Variants in IZUMO4 observed in about 807,000 individuals in gnomAD.
IZUMO4 encodes izumo sperm-egg fusion protein 4.
A neutral mutation model predicts 37.1 loss-of-function variants in IZUMO4; 51 were observed. The observed-to-expected ratio is 1.38, with a 90% CI of 1.10 to 1.74. The LOEUF (loss-of-function observed/expected upper bound fraction) is 1.74, where lower values mean the gene tolerates loss of function less well. Ranked by LOEUF, IZUMO4 falls within the 40% of genes most tolerant of loss-of-function variation. The pLI is 0.00. For synonymous variants in IZUMO4, 162 were observed against 121.4 expected (o/e 1.33, Z -2.20); for missense variants, 364 against 299.6 (o/e 1.21, Z -1.59).
intron 7 of IZUMO4, 62 bp downstream of exon 7, chr19:2,098,512 A>G: frequency 1.2e-6 from 2 of 1,611,774 alleles, no homozygotes. Flanking sequence ...GTGGGTGAGT[A>G]TGTGTGGGGC....
chr19:2,099,264 GCCAGCCTTAAGGTGTCTGGAGCCC>G lies in IZUMO4; in HGVS notation c.622_645del (p.Ala208_Pro215del), dbSNP rs529446582. ...CCTCGTCTCCCCGCAGCCTGGTATC[GCCAGCCTTAAGGTGTCTGGAGCCC>G]CCACACTTGGCCAACCTGACCTTGG... On this transcript the variant is annotated inframe_deletion, in exon 10 of 10. Transcript: ENST00000395301. 272 of 1,613,150 alleles carry G rather than the reference GCCAGCCTTAAGGTGTCTGGAGCCC, an allele frequency of 1.7e-4. No homozygotes were observed. In the African/African-American group the frequency reaches 3.0e-3, roughly 18 times the overall value.
intron 7 of IZUMO4, 81 bp from the exon 8 acceptor site, chr19:2,098,706 T>G: frequency 6.3e-7 from 1 of 1,583,708 alleles, no homozygotes. Flanking sequence ...ATCCCAGGTC[T>G]GTGGTCAGAG....
At chr19:2,097,225 T>G (rs778919165) in intron 1 of IZUMO4, 27 bp from the exon 2 acceptor site, 1 of 1,609,278 alleles carries the variant, frequency 6.2e-7, no homozygotes, top group Non-Finnish European at 8.5e-7. Flanking sequence ...GGCAGGCCGG[T>G]CACCTGGCTT....
Position 2,097,542 on chromosome 19 carries a change from G to A in IZUMO4, c.370+47G>A, listed in dbSNP as rs376567942. ...GGAGGGAGGTGTTGCCCAGAGCCTC[G>A]GAGACCCACGGGGCTTGGCTGAGGC... On this transcript the variant is annotated intron_variant, in intron 3 of 9. Coordinates refer to ENST00000395301, the MANE Select transcript of IZUMO4 (RefSeq NM_001039846.2). 1.4e-5 allele frequency: 21 copies of A among 1,514,502 alleles called. No homozygotes were observed. The East Asian group carries it at 2.9e-4, about 21-fold the overall frequency. 93.8% of individuals were successfully genotyped at this position (1,514,502 alleles called of 1,614,324 possible). A position where few individuals can be genotyped will look rare whatever the true frequency, so the allele number is the denominator to read the frequency against.
intron 3 of IZUMO4, 193 bp from the exon 4 acceptor site, chr19:2,097,736 T>G: frequency 1.4e-6 from 1 of 731,140 alleles, no homozygotes; most frequent in Non-Finnish European, 2.3e-6. Flanking sequence ...TCCCCTGAAG[T>G]TTGCTCCATC....
chr19:2,098,640 T>C, intron 7 of IZUMO4, 147 bp from the exon 8 acceptor site: 1 of 1,556,886 alleles, frequency 6.4e-7, no homozygotes, highest in Non-Finnish European at 8.7e-7. Flanking sequence ...TCTCCGACCC[T>C]CAGCTGGAGG....
intron 7 of IZUMO4, 90 bp downstream of exon 7, chr19:2,098,540 G>C (rs534003610): frequency 6.2e-7 from 1 of 1,608,098 alleles, no homozygotes; most frequent in Middle Eastern, 1.7e-4. Flanking sequence ...GGCTCCCTCA[G>C]CTCCCACGTC....
rs1310234299 is a variant in IZUMO4, at chr19:2,099,025, G to GC, written c.606dup (p.Phe203LeufsTer25). 2 of 1,612,896 alleles carry GC rather than the reference G, an allele frequency of 1.2e-6. No homozygotes were observed. Among genetic ancestry groups the GC allele is most frequent in the Admixed American group, 1.7e-5 (1 of 60,006 alleles). The stretch of plus-strand genomic sequence containing the variant: ...GCCTGGGACACACAGAGCCACCCCG[G>GC]CCTTGTGAGTGACCCAGAGAAGGGA... On this transcript the variant is annotated frameshift_variant, in exon 9 of 10. Coordinates refer to ENST00000395301, the MANE Select transcript of IZUMO4 (RefSeq NM_001039846.2). LOFTEE classifies it low-confidence loss of function (END_TRUNC).
At chr19:2,098,602 C>T (rs541724325) in intron 7 of IZUMO4, 152 bp downstream of exon 7, 277 of 1,582,678 alleles carry the variant, frequency 1.8e-4, no homozygotes, top group South Asian at 3.3e-4. Context: ...GCGCAGGAGG[C>T]GGCTGCAGTC....
At chr19:2,097,711 G>A (rs1407823965) in intron 3 of IZUMO4, 4 of 688,226 alleles carry the variant, frequency 5.8e-6, no homozygotes, top group Non-Finnish European at 1.0e-5. Context: ...GGCGCTGGGA[G>A]TGTTGCCACC....
In IZUMO4 at chr19:2,099,280, CTG is replaced by C; in HGVS notation, c.635_636del (p.Leu212ArgfsTer15). ...AFLVSPALRC[L>X]EPPHLANLTL... ...CCTGGTATCGCCAGCCTTAAGGTGTCTGGAGCCCCCACACTTGGCCAACCTGA... is the reference window on the plus strand; with the variant it reads ...CCTGGTATCGCCAGCCTTAAGGTGTCGAGCCCCCACACTTGGCCAACCTGA... On this transcript the variant is annotated frameshift_variant, in exon 10 of 10. Coordinates refer to ENST00000395301, the MANE Select transcript of IZUMO4 (RefSeq NM_001039846.2). LOFTEE classifies it high-confidence loss of function. The C allele has an allele frequency of 6.2e-7, 1 of 1,612,942 alleles. No individual in the cohort carries two copies. The highest frequency in any genetic ancestry group is 8.5e-7 in the Non-Finnish European group (1 of 1,179,850).
In IZUMO4 at chr19:2,097,116, C is replaced by G; in HGVS notation, c.171C>G (p.Ser57Arg). The change falls in exon 1 of 10, where the codon AGC (serine) becomes AGG (arginine). Residue 57 changes from serine (S) to arginine (R), a missense_variant. Physicochemically the swap from Ser to Arg is moderately radical, Grantham distance 110. Transcript: ENST00000395301. ...PVSGALLTDW[S>R]DDTMKELHLA... is the part of the protein sequence containing the mutation. ...CAGGGGCGCTGCTCACCGACTGGAG[C>G]GACGACACGATGAAGGAGCTGCACC... 6.2e-7 allele frequency: 1 copy of G among 1,612,426 alleles called. No homozygotes were observed. The highest frequency in any genetic ancestry group is 1.1e-5 in the South Asian group (1 of 91,076).
rs773246938 is a variant in IZUMO4 at position 2,098,489 on chromosome 19, A to G, written c.536+39A>G. On this transcript the variant is annotated intron_variant, in intron 7 of 9. Coordinates refer to ENST00000395301, the MANE Select transcript of IZUMO4 (RefSeq NM_001039846.2). ...TCAAACCAACACAGGCAGTGTGTGTATGTGAGCACCTCGTGGGTGAGTATG... is the reference window on the plus strand; with the variant it reads ...TCAAACCAACACAGGCAGTGTGTGTGTGTGAGCACCTCGTGGGTGAGTATG... 3.7e-6 allele frequency: 6 copies of G among 1,613,154 alleles called. No homozygotes were observed. In the South Asian group the frequency reaches 6.6e-5, roughly 18 times the overall value.
chr19:2,096,939 G>A lies in IZUMO4; in HGVS notation c.-7G>A. ...CGTTGGTTGGCCGGCGGCGGGCCGG[G>A]ACGGGCATGGCCCTGCTGCTGTGCC... On this transcript the variant is annotated 5_prime_UTR_variant, in exon 1 of 10. Transcript: ENST00000395301. 6.2e-7 allele frequency: 1 copy of A among 1,600,582 alleles called. No homozygotes were observed.
rs761076193 is a variant in IZUMO4, at chr19:2,096,993, C to A, written c.48C>A (p.His16Gln). ...CLVCLTAALA[H>Q]GCLHCHSNFS... is the part of the protein sequence containing the mutation. Reference sequence around the variant, plus strand: ...TGTGCCTGACGGCGGCGCTGGCCCACGGCTGTCTGCACTGCCACAGCAACT... The same window carrying A: ...TGTGCCTGACGGCGGCGCTGGCCCAAGGCTGTCTGCACTGCCACAGCAACT... Residue 16 changes from histidine to glutamine, a missense_variant, in exon 1 of 10, where the codon CAC becomes CAA. Transcript: ENST00000395301. The A allele has an allele frequency of 1.9e-6, 3 of 1,610,216 alleles. No individual in the cohort carries two copies. The highest frequency in any genetic ancestry group is 1.7e-5 in the Admixed American group (1 of 60,022).
At chr19:2,097,355 G>C (rs76121937) in intron 2 of IZUMO4, 23 bp downstream of exon 2, 1 of 1,611,704 alleles carries the variant, frequency 6.2e-7, no homozygotes, top group Non-Finnish European at 8.5e-7. Flanking sequence ...AAACCGAGGC[G>C]GGGCCCCCCC....
chr19:2,099,520 G>C lies in IZUMO4; in HGVS notation c.*175G>C. On this transcript the variant is annotated 3_prime_UTR_variant, in exon 10 of 10. Coordinates refer to ENST00000395301, the MANE Select transcript of IZUMO4 (RefSeq NM_001039846.2). ...GGGAGGGAATGGGGGTGGGCTGTGCGCAGCATCAGCGCCTGGGCAGGTCCG... is the reference window on the plus strand; with the variant it reads ...GGGAGGGAATGGGGGTGGGCTGTGCCCAGCATCAGCGCCTGGGCAGGTCCG... 2 of 597,888 alleles carry C rather than the reference G, an allele frequency of 3.3e-6. No homozygotes were observed. Among genetic ancestry groups the C allele is most frequent in the South Asian group, 3.8e-5 (2 of 52,252 alleles). 37.0% of individuals were successfully genotyped at this position (597,888 alleles called of 1,614,324 possible).
intron 3 of IZUMO4, 31 bp from the exon 4 acceptor site, chr19:2,097,898 G>A: frequency 4.3e-6 from 7 of 1,612,404 alleles, no homozygotes; most frequent in South Asian, 1.1e-5. Context: ...GGCTGGGCCT[G>A]GTAAGATGGC....
Position 2,099,327 on chromosome 19 carries a change from G to A in IZUMO4, c.681G>A (p.Glu227=), listed in dbSNP as rs777085829. 1 of 1,612,734 alleles carries A rather than the reference G, an allele frequency of 6.2e-7. No homozygotes were observed. Among genetic ancestry groups the A allele is most frequent in the East Asian group, 2.2e-5 (1 of 44,876 alleles). ...LANLTLEDAA[E]CLKQH ...ACCTGACCTTGGAAGATGCTGCTGA[G>A]TGTCTCAAGCAGCACTGACAGCAGC... is the stretch of plus-strand genomic sequence containing the variant. The change falls in exon 10 of 10, where the codon GAG becomes GAA. Residue 227 remains glutamate (E), a synonymous_variant. Transcript: ENST00000395301.
Sources: gnomAD v4.1 joint callset for allele counts on GRCh38, gnomAD v4.1.1 for gene constraint, MANE v1.5 for transcripts, NCBI Gene and HGNC (gene_info 2026-07-23, HGNC 2026-07-21) for gene names.